CSMD1: variants seen among roughly 807,000 people sequenced by gnomAD.
The protein encoded by CSMD1 is CUB and sushi domain-containing protein 1.
CSMD1 carries 213 observed loss-of-function variants against 417.5 expected under a neutral mutation model. The ratio of observed to expected loss-of-function variants is 0.51; its 90% CI spans 0.46 to 0.57. The LOEUF (loss-of-function observed/expected upper bound fraction) is 0.57, where lower values mean the gene tolerates loss of function less well. Ranked by LOEUF, CSMD1 falls within the 20% of genes least tolerant of loss-of-function variation. The pLI is 0.00. For missense variants in CSMD1, 6,923 were observed against 4,529.7 expected (o/e 1.53, Z -15.17); for synonymous variants, 2,862 against 1,736.8 (o/e 1.65, Z -16.11).
intron 2 of CSMD1, among the ~76,000 whole-genome samples, chr8:4,563,125 G>T (rs549290285): frequency 3.9e-5 from 6 of 152,104 alleles, no homozygotes; most frequent in Non-Finnish European, 7.3e-5. Flanking sequence ...CAATGGGCCG[G>T]GCACAGTGAC....
chr8:3,574,207 C>A (rs954059659), intron 10 of CSMD1, among the ~76,000 whole-genome samples: 1 of 152,168 alleles, frequency 6.6e-6, no homozygotes, highest in Non-Finnish European at 1.5e-5. Flanking sequence ...AGAAGAAACA[C>A]ATGAACTGTA....
chr8:3,933,925 G>A (rs189100026), intron 5 of CSMD1, among the ~76,000 whole-genome samples: 23 of 152,040 alleles, frequency 1.5e-4, no homozygotes, highest in African/African-American at 4.8e-4. Context: ...GGTGAAAAAT[G>A]CGATGAAAAA....
intron 5 of CSMD1, among the ~76,000 whole-genome samples, chr8:3,767,722 G>C (rs375044874): frequency 4.6e-5 from 7 of 152,230 alleles, no homozygotes; most frequent in African/African-American, 1.7e-4. Flanking sequence ...CATATACTTT[G>C]CGTTAAGAGA....
chr8:4,047,886 G>C (rs960915911), intron 3 of CSMD1, among the ~76,000 whole-genome samples: 2 of 151,952 alleles, frequency 1.3e-5, no homozygotes, highest in African/African-American at 4.8e-5. Context: ...TTACATCACT[G>C]AGCCTTTAGT....
chr8:4,607,396 G>C (rs532983632), intron 2 of CSMD1, among the ~76,000 whole-genome samples: 2 of 152,170 alleles, frequency 1.3e-5, no homozygotes, highest in Non-Finnish European at 2.9e-5. Flanking sequence ...CTGGAGAATA[G>C]AAAATTGCAG....
intron 21 of CSMD1, among the ~76,000 whole-genome samples, chr8:3,349,952 A>G (rs1277027655): frequency 6.9e-6 from 1 of 145,468 alleles, no homozygotes; most frequent in Non-Finnish European, 1.5e-5. Flanking sequence ...TTATATGTGT[A>G]TGTGTGTTAT....
chr8:3,956,357 T>C (rs993764845), intron 5 of CSMD1, among the ~76,000 whole-genome samples: 6 of 152,108 alleles, frequency 3.9e-5, no homozygotes, highest in Non-Finnish European at 7.3e-5. Context: ...TCAGTTGCCT[T>C]ATAGAACAAT....
intron 1 of CSMD1, among the ~76,000 whole-genome samples, chr8:4,901,635 A>G (rs2117045641): frequency 6.6e-6 from 1 of 152,320 alleles, no homozygotes; most frequent in Non-Finnish European, 1.5e-5. Context: ...TTTTTAATTT[A>G]AAACTAGAAA....
chr8:4,665,172 T>C (rs923207408), intron 1 of CSMD1, among the ~76,000 whole-genome samples: 14 of 152,214 alleles, frequency 9.2e-5, no homozygotes, highest in Non-Finnish European at 1.8e-4. Context: ...AGGTCTTTTC[T>C]GTTTGTCCAT....
At chr8:3,118,052 G>T (rs930736624) in intron 42 of CSMD1, among the ~76,000 whole-genome samples, 11 of 152,200 alleles carry the variant, frequency 7.2e-5, no homozygotes, top group Admixed American at 3.3e-4. Context: ...CCTACAATCT[G>T]ATATAACCAC....
At chr8:3,511,763 ATAACAT>A (rs1797078747) in intron 10 of CSMD1, among the ~76,000 whole-genome samples, 1 of 81,350 alleles carries the variant, frequency 1.2e-5, no homozygotes, top group Admixed American at 1.3e-4. Flanking sequence ...CTCTAAAAAA[ATAACAT>A]AACATAACAT....
intron 22 of CSMD1, among the ~76,000 whole-genome samples, chr8:3,344,709 T>C (rs71521845): frequency 0.11 from 17,487 of 152,252 alleles, 1,385 homozygotes; most frequent in African/African-American, 0.22. Flanking sequence ...ACTTCTTTCC[T>C]CTTTATACAG....
At chr8:3,861,651 T>C (rs1461609141) in intron 5 of CSMD1, among the ~76,000 whole-genome samples, 16 of 152,218 alleles carry the variant, frequency 1.1e-4, no homozygotes, top group Admixed American at 1.0e-3. Flanking sequence ...GAGATGTATA[T>C]GGCTCTCCTG....
intron 2 of CSMD1, among the ~76,000 whole-genome samples, chr8:4,555,711 A>G (rs773458884): frequency 3.9e-5 from 6 of 152,234 alleles, no homozygotes; most frequent in Non-Finnish European, 8.8e-5. Flanking sequence ...GATTCTTCAC[A>G]GGAGCCTGCA....
At chr8:4,015,000 C>T (rs1035622766) in intron 4 of CSMD1, among the ~76,000 whole-genome samples, 14 of 152,122 alleles carry the variant, frequency 9.2e-5, no homozygotes, top group African/African-American at 3.4e-4. Flanking sequence ...ATATGCAAAC[C>T]ACGTAGACCA....
At chr8:4,259,258 C>T (rs546751669) in intron 3 of CSMD1, among the ~76,000 whole-genome samples, 1 of 152,136 alleles carries the variant, frequency 6.6e-6, no homozygotes, top group African/African-American at 2.4e-5. Context: ...TTTTCCTAAA[C>T]AAGCAACCCC....
Position 4,353,745 on chromosome 8 carries a change from A to G in CSMD1, c.415+66208T>C, listed in dbSNP as rs559088559. ...ACAGTTTTTGTTGGGGTTCATGGAG[A>G]TTTCTTTTTTTGCCCTTCACACATT... On this transcript the variant is annotated intron_variant, in intron 3 of 69. Coordinates refer to ENST00000635120, the MANE Select transcript of CSMD1 (RefSeq NM_033225.6). 7.5e-4 allele frequency among the ~76,000 whole-genome samples: 104 copies of G among 139,310 alleles called. 1 individual carries two copies. Among genetic ancestry groups the G allele is most frequent in the Non-Finnish European group, 1.4e-3 (91 of 63,532 alleles). 91.4% of individuals were successfully genotyped at this position (139,310 alleles called of 152,430 possible).
intron 8 of CSMD1, among the ~76,000 whole-genome samples, chr8:3,590,990 A>G (rs1264404480): frequency 6.6e-6 from 1 of 152,182 alleles, no homozygotes; most frequent in Non-Finnish European, 1.5e-5. Flanking sequence ...AGATAATCTA[A>G]CTTGGTTTTC....
chr8:4,284,936 C>G (rs546480255), intron 3 of CSMD1, among the ~76,000 whole-genome samples: 46 of 152,288 alleles, frequency 3.0e-4, no homozygotes, highest in African/African-American at 1.1e-3. Context: ...AGTTAATTAC[C>G]TGTAAGACCT....
Sources: allele counts gnomAD v4.1 joint callset (sites outside exome capture counted in the v4.1 genomes callset), GRCh38; gene constraint gnomAD v4.1.1; transcripts MANE v1.5; gene names NCBI Gene and HGNC (gene_info 2026-07-23, HGNC 2026-07-21).